Variants in PDE6A observed in about 807,000 individuals in gnomAD.
PDE6A encodes the protein phosphodiesterase 6A, also known as rod cGMP-specific 3',5'-cyclic phosphodiesterase subunit alpha.
A neutral mutation model predicts 106.3 loss-of-function variants in PDE6A; 84 were observed. The ratio of observed to expected loss-of-function variants is 0.79; its 90% CI spans 0.66 to 0.95. The LOEUF is 0.95. Among genes scored for constraint, PDE6A ranks in the 40% least tolerant of loss-of-function variants. The probability of loss-of-function intolerance (pLI) is 0.00; values close to 1 mark genes in which losing one functional copy is unlikely to be tolerated. For synonymous variants in PDE6A, 394 were observed against 386.6 expected (o/e 1.02, Z -0.23); for missense variants, 1,052 against 1,084.9 (o/e 0.97, Z 0.43).
chr5:149,914,512 C>T (rs1418752881), intron 6 of PDE6A, among the ~76,000 whole-genome samples: 2 of 152,198 alleles, frequency 1.3e-5, no homozygotes, highest in Non-Finnish European at 2.9e-5. Context: ...ACCGTGATAA[C>T]GTTCCACTTC....
intron 9 of PDE6A, among the ~76,000 whole-genome samples, chr5:149,899,121 C>T (rs1383504616): frequency 6.6e-6 from 1 of 152,184 alleles, no homozygotes; most frequent in African/African-American, 2.4e-5. Context: ...TCTGCCTCAA[C>T]CTCTCAAAGT....
At chr5:149,913,803 C>T (rs1404750594) in intron 6 of PDE6A, among the ~76,000 whole-genome samples, 1 of 152,196 alleles carries the variant, frequency 6.6e-6, no homozygotes, top group South Asian at 2.1e-4. Flanking sequence ...AAGAAGGTAA[C>T]TAGGTTTTTG....
intron 4 of PDE6A, among the ~76,000 whole-genome samples, chr5:149,929,202 G>A (rs1371029217): frequency 6.6e-6 from 1 of 152,136 alleles, no homozygotes; most frequent in Non-Finnish European, 1.5e-5. Context: ...GATCAGATCT[G>A]AAAACTCAAA....
At chr5:149,932,329 G>T in intron 3 of PDE6A, 1 of 1,435,200 alleles carries the variant, frequency 7.0e-7, no homozygotes, top group Non-Finnish European at 9.8e-7. Flanking sequence ...TCATTTTGAG[G>T]GGTTGTAGGA....
Position 149,886,338 on chromosome 5 carries a change from C to T in PDE6A, c.1765G>A (p.Ala589Thr), listed in dbSNP as rs1463359682. Residue 589 changes from alanine (A) to threonine (T), a missense_variant, in exon 14 of 22, where the codon GCC (alanine) becomes ACC (threonine). This residue lies in a region of PDE6A where 913 missense variants were observed against 915.2 expected (regional missense o/e 1.00). Coordinates refer to ENST00000255266, the MANE Select transcript of PDE6A (RefSeq NM_000440.3). ...KLKRYFTDLE[A>T]LAMVTAAFCH... Reference sequence around the variant, plus strand: ...AAAGCAGCAGTGACCATGGCCAAGGCCTCTAGGTCCGTGAAGTAGCGCTTC... The same window carrying T: ...AAAGCAGCAGTGACCATGGCCAAGGTCTCTAGGTCCGTGAAGTAGCGCTTC... The T allele has an allele frequency of 6.2e-7, 1 of 1,614,196 alleles. No individual in the cohort carries two copies. Among genetic ancestry groups the T allele is most frequent in the African/African-American group, 1.3e-5 (1 of 75,054 alleles).
chr5:149,929,231 A>G (rs1753954826), intron 4 of PDE6A, among the ~76,000 whole-genome samples: 1 of 152,262 alleles, frequency 6.6e-6, no homozygotes, highest in Non-Finnish European at 1.5e-5. Flanking sequence ...AACAGTGGAA[A>G]TGAATAAATA....
chr5:149,916,491 A>T (rs555726197), intron 5 of PDE6A, among the ~76,000 whole-genome samples: 1 of 152,068 alleles, frequency 6.6e-6, no homozygotes, highest in South Asian at 2.1e-4. Flanking sequence ...CTTCAGACCT[A>T]CCTTCTCATC....
intron 1 of PDE6A, among the ~76,000 whole-genome samples, chr5:149,936,910 A>T (rs1300546718): frequency 2.6e-5 from 4 of 152,142 alleles, no homozygotes; most frequent in African/African-American, 9.7e-5. Context: ...TATGCTAGGC[A>T]CTCTTCCAGA....
At chr5:149,869,329 CAAAA>C (rs11316552) in intron 17 of PDE6A, among the ~76,000 whole-genome samples, 1 of 91,374 alleles carries the variant, frequency 1.1e-5, no homozygotes, top group Non-Finnish European at 2.2e-5. Flanking sequence ...GACTCCATAT[CAAAA>C]AAAAAAAAAA....
intron 17 of PDE6A, among the ~76,000 whole-genome samples, chr5:149,878,689 G>A (rs951250215): frequency 1.3e-5 from 2 of 152,170 alleles, no homozygotes; most frequent in African/African-American, 4.8e-5. Flanking sequence ...GTAAGCAAAT[G>A]TTTTCATCTT....
At chr5:149,873,676 T>C (rs914546547) in intron 17 of PDE6A, among the ~76,000 whole-genome samples, 26 of 152,198 alleles carry the variant, frequency 1.7e-4, no homozygotes, top group Non-Finnish European at 8.8e-5. Flanking sequence ...CATTTAGAAA[T>C]GTAATAGCCA....
rs61733362 is a variant in PDE6A, at chr5:149,896,430, G to T, written c.1546C>A (p.Leu516Met). Residue 516 changes from leucine to methionine, a missense_variant, in exon 12 of 22, where the codon CTG (leucine) becomes ATG (methionine). Coordinates refer to ENST00000255266, the MANE Select transcript of PDE6A (RefSeq NM_000440.3). ...TGTATTCCACATTTTACCAGCTCCA[G>T]TTCTGTTAGGGGTAAGTCACTGAAG... ...FHFSDLPLTELELVKCGIQMY... is the reference protein window; with the variant it reads ...FHFSDLPLTEMELVKCGIQMY... 12 of 1,613,932 alleles carry T rather than the reference G, an allele frequency of 7.4e-6. No individual in the cohort carries two copies. Among genetic ancestry groups the T allele is most frequent in the Admixed American group, 3.3e-5 (2 of 60,000 alleles).
chr5:149,903,872 A>C (rs563394015), intron 7 of PDE6A, among the ~76,000 whole-genome samples, 177 bp from the exon 8 acceptor site: 1 of 152,324 alleles, frequency 6.6e-6, no homozygotes, highest in East Asian at 1.9e-4. Flanking sequence ...CTAGACAGAA[A>C]AGTCACCTTA....
At chr5:149,936,656 T>A (rs1416751075) in intron 1 of PDE6A, among the ~76,000 whole-genome samples, 1 of 152,170 alleles carries the variant, frequency 6.6e-6, no homozygotes, top group Non-Finnish European at 1.5e-5. Context: ...ATTTACATGA[T>A]CATTATCATC....
intron 17 of PDE6A, 49 bp from the exon 18 acceptor site, chr5:149,868,207 A>C (rs1760404362): frequency 6.5e-7 from 1 of 1,542,316 alleles, no homozygotes; most frequent in Admixed American, 1.7e-5. Context: ...TTAAGACTTC[A>C]TGTACTGGTT....
intron 7 of PDE6A, among the ~76,000 whole-genome samples, chr5:149,904,273 G>A (rs1243027912): frequency 6.6e-6 from 1 of 152,144 alleles, no homozygotes; most frequent in African/African-American, 2.4e-5. Flanking sequence ...CTACATTTGG[G>A]TTCTGTTTTG....
intron 5 of PDE6A, among the ~76,000 whole-genome samples, chr5:149,921,160 G>A (rs950771739): frequency 5.3e-5 from 8 of 152,192 alleles, no homozygotes; most frequent in Non-Finnish European, 1.2e-4. Context: ...TGAGTAGGTT[G>A]CTTGACCTTT....
rs766135543 is a variant in PDE6A, at chr5:149,867,759, T to C, written c.2240A>G (p.Asp747Gly). ...CTGTTGCAGCACCGTGCGCTCCAGG[T>C]CACCTTGTTCCCAGAATTCAGCAGC... ...LVAAEFWEQGDLERTVLQQNP... is the reference protein window; with the variant it reads ...LVAAEFWEQGGLERTVLQQNP... The change falls in exon 19 of 22, where the codon GAC becomes GGC. Residue 747 changes from aspartate (D) to glycine (G), a missense_variant. Asp to Gly is a moderately conservative substitution (Grantham distance 94). Around this residue, in one of 3 missense-constraint regions of PDE6A, gnomAD observed 135 missense variants for 153.2 expected, o/e 0.88. Coordinates refer to ENST00000255266, the MANE Select transcript of PDE6A (RefSeq NM_000440.3). The C allele has an allele frequency of 2.7e-5, 43 of 1,613,534 alleles. No individual in the cohort carries two copies. The highest frequency in any genetic ancestry group is 3.3e-5 in the Non-Finnish European group (39 of 1,179,966).
rs1754132339 is a variant in PDE6A, at chr5:149,934,623, G to T, written c.570C>A (p.Ala190=). Reference sequence around the variant, plus strand: ...CCACTTTATTCACAGCCATGATTATGGCCACCACATCCTTCCCATTCATTA... The same window carrying T: ...CCACTTTATTCACAGCCATGATTATTGCCACCACATCCTTCCCATTCATTA... ...SPIMNGKDVV[A]IIMAVNKVDG... is the part of the protein sequence containing the mutation. The change falls in exon 2 of 22, where the codon GCC becomes GCA. Residue 190 remains alanine (A), a synonymous_variant. Coordinates refer to ENST00000255266, the MANE Select transcript of PDE6A (RefSeq NM_000440.3). The T allele has an allele frequency of 6.2e-7, 1 of 1,614,010 alleles. No homozygotes were observed.
Sources: gnomAD v4.1 joint callset for allele counts (sites outside exome capture counted in the v4.1 genomes callset) on GRCh38, gnomAD v4.1.1 for gene constraint, gnomAD v4.1.1 regional missense constraint, MANE v1.5 for transcripts, NCBI Gene and HGNC (gene_info 2026-07-23, HGNC 2026-07-21) for gene names.